CNTNAP4: variants seen among roughly 807,000 people sequenced by gnomAD.
CNTNAP4 encodes the protein contactin-associated protein-like 4.
In CNTNAP4, 98 loss-of-function variants were observed where a neutral mutation model predicts 148.4. The ratio of observed to expected loss-of-function variants is 0.66; its 90% CI spans 0.56 to 0.78. CNTNAP4 has a LOEUF of 0.78. Ranked by LOEUF, CNTNAP4 falls within the 30% of genes least tolerant of loss-of-function variation. The pLI, the probability that CNTNAP4 is intolerant of heterozygous loss-of-function variation, is 0.00. For synonymous variants in CNTNAP4, 730 were observed against 565.1 expected (o/e 1.29, Z -4.14); for missense variants, 1,935 against 1,565.6 (o/e 1.24, Z -3.98).
At chr16:76,486,320 G>C (rs566278489) in intron 12 of CNTNAP4, among the ~76,000 whole-genome samples, 1 of 152,252 alleles carries the variant, frequency 6.6e-6, no homozygotes, top group Non-Finnish European at 1.5e-5. Context: ...TTTTTAAAAT[G>C]CATTATTAAT....
chr16:76,551,835 T>C (rs866325516), intron 21 of CNTNAP4, among the ~76,000 whole-genome samples: 2 of 152,344 alleles, frequency 1.3e-5, no homozygotes, highest in African/African-American at 4.8e-5. Flanking sequence ...TAGATTCAAG[T>C]TGCCCTGAAT....
intron 15 of CNTNAP4, among the ~76,000 whole-genome samples, chr16:76,500,633 TG>T: frequency 6.6e-6 from 1 of 151,770 alleles, no homozygotes; most frequent in South Asian, 2.1e-4. Context: ...TGTGTGTGTG[TG>T]TGTGTGTGTC....
rs116274968 is a variant in CNTNAP4, at chr16:76,342,723, C to T, written c.197-12595C>T. ...TCCTGACCTCGTGATCTGCCCACCT[C>T]GGCATAAATTGCTAATTTCTTAAGT... On this transcript the variant is annotated intron_variant, in intron 2 of 23. Transcript: ENST00000611870. Among the ~76,000 whole-genome samples the T allele has an allele frequency of 6.1e-3, 933 of 152,058 alleles. 3 individuals are homozygous for T. Among genetic ancestry groups the T allele is most frequent in the African/African-American group, 0.021 (866 of 41,494 alleles).
intron 4 of CNTNAP4, among the ~76,000 whole-genome samples, chr16:76,440,504 A>C (rs1176939268): frequency 6.6e-6 from 1 of 152,176 alleles, no homozygotes; most frequent in Admixed American, 6.6e-5. Context: ...GTATAAATAA[A>C]TAAAACATTC....
chr16:76,460,946 A>G (rs949508308), intron 8 of CNTNAP4, among the ~76,000 whole-genome samples: 1 of 150,960 alleles, frequency 6.6e-6, no homozygotes, highest in African/African-American at 2.4e-5. Flanking sequence ...CTGTCACAAC[A>G]TTTTCTCAAT....
chr16:76,551,094 C>T (rs1008546922), intron 21 of CNTNAP4, among the ~76,000 whole-genome samples: 1 of 151,914 alleles, frequency 6.6e-6, no homozygotes, highest in Admixed American at 6.6e-5. Flanking sequence ...GAAAATAGAG[C>T]CCCTCAAAAT....
At chr16:76,391,751 T>C (rs2017016824) in intron 3 of CNTNAP4, among the ~76,000 whole-genome samples, 1 of 152,166 alleles carries the variant, frequency 6.6e-6, no homozygotes, top group Non-Finnish European at 1.5e-5. Flanking sequence ...GCTTTGCTAC[T>C]CAATGTGTGG....
rs537826075 is a variant in CNTNAP4, at chr16:76,440,658, C to A, written c.539-7354C>A. 2.7e-4 allele frequency among the ~76,000 whole-genome samples: 41 copies of A among 152,192 alleles called. 1 individual carries two copies. Among genetic ancestry groups the A allele is most frequent in the African/African-American group, 9.9e-4 (41 of 41,534 alleles). On this transcript the variant is annotated intron_variant, in intron 4 of 23. Transcript: ENST00000611870. ...ATCTGCCTCAGAATCATTTAGGGAC[C>A]TGTATTCCTGTTCCAGGTTAGAATT...
At chr16:76,516,656 C>A (rs1214257608) in intron 15 of CNTNAP4, among the ~76,000 whole-genome samples, 1 of 152,210 alleles carries the variant, frequency 6.6e-6, no homozygotes, top group African/African-American at 2.4e-5. Flanking sequence ...ACGTAGGTGT[C>A]CTTCTGCAGG....
chr16:76,443,067 T>A (rs1412901960), intron 4 of CNTNAP4, among the ~76,000 whole-genome samples: 1 of 152,098 alleles, frequency 6.6e-6, no homozygotes, highest in Non-Finnish European at 1.5e-5. Context: ...AGTGAGCCAG[T>A]GTATGACAGA....
chr16:76,477,489 T>C (rs1342888170), intron 11 of CNTNAP4, among the ~76,000 whole-genome samples: 1 of 152,204 alleles, frequency 6.6e-6, no homozygotes, highest in Non-Finnish European at 1.5e-5. Context: ...TTTGGAATCC[T>C]GGGCTCCCAG....
At chr16:76,555,478 T>C (rs773898321) in intron 23 of CNTNAP4, among the ~76,000 whole-genome samples, 6 of 152,218 alleles carry the variant, frequency 3.9e-5, no homozygotes, top group Non-Finnish European at 5.9e-5. Flanking sequence ...TCCAAGAGTT[T>C]AAGCTAGAAT....
intron 3 of CNTNAP4, among the ~76,000 whole-genome samples, chr16:76,398,828 A>G (rs12935820): frequency 0.39 from 58,515 of 151,940 alleles, 11,941 homozygotes; most frequent in Middle Eastern, 0.52. Context: ...ACATAGACAC[A>G]TATATTTGTA....
At chr16:76,543,333 A>G (rs1172418776) in intron 21 of CNTNAP4, among the ~76,000 whole-genome samples, 1 of 152,238 alleles carries the variant, frequency 6.6e-6, no homozygotes, top group Non-Finnish European at 1.5e-5. Context: ...ATATCCTTAT[A>G]TTTTAATGCA....
chr16:76,464,910 T>G (rs1350574151), intron 9 of CNTNAP4, among the ~76,000 whole-genome samples: 1 of 152,226 alleles, frequency 6.6e-6, no homozygotes, highest in Non-Finnish European at 1.5e-5. Flanking sequence ...ATTTTAAATT[T>G]AGATTCTCTA....
intron 3 of CNTNAP4, 31 bp downstream of exon 3, chr16:76,355,542 C>A: frequency 6.5e-7 from 1 of 1,530,638 alleles, no homozygotes. Flanking sequence ...CATAGTCTCT[C>A]GGGGAAAAAG....
intron 1 of CNTNAP4, among the ~76,000 whole-genome samples, chr16:76,314,588 G>A (rs1961499760): frequency 6.6e-6 from 1 of 152,064 alleles, no homozygotes; most frequent in Admixed American, 6.6e-5. Flanking sequence ...GCAAAATTAG[G>A]GATGCTTTTG....
At chr16:76,441,444 A>AAC (rs2080035456) in intron 4 of CNTNAP4, among the ~76,000 whole-genome samples, 1 of 152,162 alleles carries the variant, frequency 6.6e-6, no homozygotes, top group South Asian at 2.1e-4. Context: ...ACCTACGGGC[A>AAC]CAGGGAGAAT....
intron 3 of CNTNAP4, among the ~76,000 whole-genome samples, chr16:76,376,501 AC>A (rs59923626): frequency 0.16 from 24,342 of 152,166 alleles, 2,542 homozygotes; most frequent in East Asian, 0.45. Flanking sequence ...TATATAAAGG[AC>A]CTTTCATATG....
Sources: gnomAD v4.1 joint callset for allele counts (sites outside exome capture counted in the v4.1 genomes callset) on GRCh38, gnomAD v4.1.1 for gene constraint, MANE v1.5 for transcripts, NCBI Gene and HGNC (gene_info 2026-07-23, HGNC 2026-07-21) for gene names.